Variants in PDE1C observed in about 807,000 individuals in gnomAD.
The protein encoded by PDE1C is dual specificity calcium/calmodulin-dependent 3',5'-cyclic nucleotide phosphodiesterase 1C.
A neutral mutation model predicts 93.1 loss-of-function variants in PDE1C; 62 were observed. The observed-to-expected ratio is 0.67, with a 90% confidence interval of 0.54 to 0.82. The LOEUF (loss-of-function observed/expected upper bound fraction) is 0.82. Ranked by LOEUF, PDE1C falls within the 40% of genes least tolerant of loss-of-function variation. The pLI is 0.00. For missense variants in PDE1C, 742 were observed against 884.6 expected (o/e 0.84, Z 2.04); for synonymous variants, 325 against 310.1 (o/e 1.05, Z -0.50).
At chr7:31,619,828 G>A in the PDE1C span, among the ~76,000 whole-genome samples, 2 of 152,182 alleles carry the variant, frequency 1.3e-5, no homozygotes, top group African/African-American at 4.8e-5. Flanking sequence ...GGAAGCGCAA[G>A]GGGTCAGGGA....
intron 2 of PDE1C, among the ~76,000 whole-genome samples, chr7:31,998,241 G>T (rs369303323): frequency 5.3e-5 from 8 of 152,042 alleles, no homozygotes; most frequent in South Asian, 4.2e-4. Context: ...GGATGGTCTC[G>T]ATCTCCTGAC....
At chr7:32,116,650 C>G (rs964935978) in intron 3 of PDE1C, among the ~76,000 whole-genome samples, 3 of 152,144 alleles carry the variant, frequency 2.0e-5, no homozygotes, top group Non-Finnish European at 4.4e-5. Flanking sequence ...CTGTTGGAAA[C>G]CACAGAAGGT....
At chr7:32,032,194 A>C (rs1790423163) in intron 2 of PDE1C, among the ~76,000 whole-genome samples, 1 of 152,188 alleles carries the variant, frequency 6.6e-6, no homozygotes, top group Non-Finnish European at 1.5e-5. Context: ...GGGGCAGAAA[A>C]GCCAGAAAAG....
At chr7:32,155,337 G>A (rs1022825801) in intron 3 of PDE1C, among the ~76,000 whole-genome samples, 3 of 152,162 alleles carry the variant, frequency 2.0e-5, no homozygotes, top group Admixed American at 6.5e-5. Flanking sequence ...TGTCTCACAG[G>A]GTTGTTATAA....
At chr7:32,211,531 G>A (rs889330801) in intron 1 of PDE1C, among the ~76,000 whole-genome samples, 2 of 149,482 alleles carry the variant, frequency 1.3e-5, no homozygotes, top group Non-Finnish European at 3.0e-5. Flanking sequence ...AATCTTATGA[G>A]CACTTGGAAA....
At chr7:32,233,500 T>C (rs1807855399) in intron 1 of PDE1C, among the ~76,000 whole-genome samples, 1 of 152,008 alleles carries the variant, frequency 6.6e-6, no homozygotes, top group South Asian at 2.1e-4. Context: ...AATTATACCA[T>C]GCAAACATCA....
chr7:32,184,056 A>C (rs200681516), intron 2 of PDE1C, among the ~76,000 whole-genome samples: 4 of 152,248 alleles, frequency 2.6e-5, no homozygotes, highest in African/African-American at 7.2e-5. Flanking sequence ...AATGCTCATC[A>C]TCACTGGCCA....
intron 2 of PDE1C, among the ~76,000 whole-genome samples, chr7:31,907,070 G>GGTGTGTGTGTGTGTGTGTGTGTGT (rs55999814): frequency 1.4e-5 from 2 of 145,206 alleles, no homozygotes; most frequent in Admixed American, 1.4e-4. Flanking sequence ...TGATATGTGG[G>GGTGTGTGTGTGTGTGTGTGTGTGT]GTGTGTGTGT....
intron 3 of PDE1C, among the ~76,000 whole-genome samples, chr7:32,092,348 G>A (rs1797519398): frequency 6.6e-6 from 1 of 152,150 alleles, no homozygotes. Flanking sequence ...ACTGGATGCT[G>A]GGTTACCTGG....
intron 1 of PDE1C, among the ~76,000 whole-genome samples, chr7:32,276,930 A>G (rs1811326905): frequency 6.6e-6 from 1 of 152,092 alleles, no homozygotes; most frequent in African/African-American, 2.4e-5. Context: ...CATAAGGGGG[A>G]AAAAATCCCT....
chr7:32,335,654 T>C (rs1374802309), intron 1 of PDE1C, among the ~76,000 whole-genome samples: 4 of 152,204 alleles, frequency 2.6e-5, no homozygotes, highest in Admixed American at 1.3e-4. Flanking sequence ...ACCAATCATA[T>C]TGGATTAGGG....
intron 1 of PDE1C, among the ~76,000 whole-genome samples, chr7:32,342,779 T>C (rs1653884): frequency 0.8 from 122,118 of 152,172 alleles, 49,356 homozygotes; most frequent in Admixed American, 0.85. Context: ...ATAGAGTTGT[T>C]ATGAGGCTTA....
At chr7:31,764,028 T>A (rs546070446) in intron 17 of PDE1C, among the ~76,000 whole-genome samples, 1 of 150,580 alleles carries the variant, frequency 6.6e-6, no homozygotes, top group African/African-American at 2.4e-5. Context: ...ATATTTCTAT[T>A]CTGCTACCTG....
chr7:31,799,203 A>C (rs2128684170), intron 16 of PDE1C, among the ~76,000 whole-genome samples: 1 of 151,778 alleles, frequency 6.6e-6, no homozygotes, highest in East Asian at 2.0e-4. Flanking sequence ...TCTAGTAAAG[A>C]CATACATGTG....
chr7:31,660,077 C>T, the PDE1C span, among the ~76,000 whole-genome samples: 9 of 152,112 alleles, frequency 5.9e-5, no homozygotes, highest in Non-Finnish European at 1.3e-4. Context: ...CTTGCTGCCG[C>T]CATGTGAAGA....
chr7:31,665,101 C>T, the PDE1C span, among the ~76,000 whole-genome samples: 8 of 152,304 alleles, frequency 5.3e-5, no homozygotes, highest in South Asian at 1.7e-3. Flanking sequence ...TATGTTGCAA[C>T]ATCATGACTT....
chr7:31,764,005 A>T (rs1036901130), intron 17 of PDE1C, among the ~76,000 whole-genome samples: 1 of 148,614 alleles, frequency 6.7e-6, no homozygotes, highest in Non-Finnish European at 1.5e-5. Flanking sequence ...TTATATATAT[A>T]TTTTATATAC....
At chr7:32,315,985 A>G (rs1313694336) in intron 1 of PDE1C, among the ~76,000 whole-genome samples, 1 of 152,250 alleles carries the variant, frequency 6.6e-6, no homozygotes, top group Non-Finnish European at 1.5e-5. Context: ...ACAAGAGCGA[A>G]AACTCCATCT....
intron 2 of PDE1C, among the ~76,000 whole-genome samples, chr7:32,200,332 TAG>T (rs1192195019): frequency 2.0e-5 from 3 of 152,316 alleles, no homozygotes; most frequent in African/African-American, 7.2e-5. Flanking sequence ...ATTCTGCCAT[TAG>T]TAGCCCAGAA....
Sources: gnomAD v4.1 joint callset for allele counts (sites outside exome capture counted in the v4.1 genomes callset) on GRCh38, gnomAD v4.1.1 for gene constraint, MANE v1.5 for transcripts, NCBI Gene and HGNC (gene_info 2026-07-23, HGNC 2026-07-21) for gene names.